Variants in RPTOR observed in about 807,000 individuals in gnomAD.
The protein encoded by RPTOR is regulatory associated protein of MTOR complex 1, also known as regulatory-associated protein of mTOR.
RPTOR carries 21 observed loss-of-function variants against 169.9 expected under a neutral mutation model. That is an observed-to-expected ratio of 0.12 (90% CI 0.09 to 0.18). The LOEUF is 0.18. RPTOR is among the 10% of genes least tolerant of loss of function. The pLI, the probability that RPTOR is intolerant of heterozygous loss-of-function variation, is 1.00. For missense variants in RPTOR, 1,133 were observed against 1,855.9 expected (o/e 0.61, Z 7.16); for synonymous variants, 732 against 753.2 (o/e 0.97, Z 0.46).
chr17:80,914,621 G>A (rs2068651098), intron 21 of RPTOR, among the ~76,000 whole-genome samples: 1 of 152,350 alleles, frequency 6.6e-6, no homozygotes, highest in South Asian at 2.1e-4. Context: ...GTACCCAGGT[G>A]CTGTTGCAAC....
At chr17:80,681,732 T>A (rs866511554) in intron 3 of RPTOR, among the ~76,000 whole-genome samples, 7 of 102,814 alleles carry the variant, frequency 6.8e-5, no homozygotes, top group African/African-American at 1.8e-4. Context: ...CTCTTACACC[T>A]TCATGAGGTG....
intron 10 of RPTOR, among the ~76,000 whole-genome samples, chr17:80,843,441 G>C (rs2067692468): frequency 6.6e-6 from 1 of 150,866 alleles, no homozygotes; most frequent in Admixed American, 6.6e-5. Flanking sequence ...TTTTTTTTTT[G>C]GTTTATTGAG....
At chr17:80,743,765 T>TGG (rs1567887241) in intron 5 of RPTOR, among the ~76,000 whole-genome samples, 2 of 77,810 alleles carry the variant, frequency 2.6e-5, no homozygotes, top group African/African-American at 1.2e-4. Flanking sequence ...CTACTAGCAC[T>TGG]CTCCTGGTTA....
intron 10 of RPTOR, among the ~76,000 whole-genome samples, chr17:80,840,331 G>A (rs1422362126): frequency 1.4e-4 from 19 of 132,938 alleles, no homozygotes; most frequent in South Asian, 1.3e-3. Flanking sequence ...CACTCTCACC[G>A]CACGGCAGCT....
chr17:80,880,696 C>T (rs12937510), intron 14 of RPTOR, among the ~76,000 whole-genome samples: 31,789 of 152,180 alleles, frequency 0.21, 3,702 homozygotes, highest in East Asian at 0.37. Flanking sequence ...TATTTCGTGT[C>T]TGTCTCTAAA....
intron 9 of RPTOR, among the ~76,000 whole-genome samples, chr17:80,830,364 A>C (rs1446715340): frequency 6.6e-6 from 1 of 152,158 alleles, no homozygotes; most frequent in Non-Finnish European, 1.5e-5. Flanking sequence ...CCAAAACATT[A>C]TGTCAAAAAA....
In RPTOR at chr17:80,845,995, A is replaced by G. The variant is rs1454617507; in HGVS notation, c.1213-478A>G. Among the ~76,000 whole-genome samples the G allele has an allele frequency of 6.6e-6, 1 of 152,024 alleles. No homozygotes were observed. The highest frequency in any genetic ancestry group is 1.5e-5 in the Non-Finnish European group (1 of 67,990). On this transcript the variant is annotated intron_variant, in intron 10 of 33. Coordinates refer to ENST00000306801, the MANE Select transcript of RPTOR (RefSeq NM_020761.3). This position sits in a 1 kb window ranked among gnomAD's most constrained non-coding sequence, Gnocchi z 5.4. ...GCCCCAGCTCATCTCCTTGGTCTCC[A>G]TAGCAGAGGCTCTGTCCTGGGCCCC...
rs1303280378 is a variant in RPTOR, at chr17:80,562,483, T to G, written c.162+16692T>G. Among the ~76,000 whole-genome samples the G allele has an allele frequency of 2.0e-5, 3 of 152,174 alleles. No homozygotes were observed. Among genetic ancestry groups the G allele is most frequent in the African/African-American group, 7.2e-5 (3 of 41,440 alleles). ...TCTTGGAGAGCTTTTTATTTTATCCTTAAAAGTAGATCAGACAAGGCCGGG... is the reference window on the plus strand; with the variant it reads ...TCTTGGAGAGCTTTTTATTTTATCCGTAAAAGTAGATCAGACAAGGCCGGG... On this transcript the variant is annotated intron_variant, in intron 1 of 33. Transcript: ENST00000306801. The surrounding 1 kb of genome is among the most constrained non-coding windows in gnomAD (Gnocchi z 4.4).
At position 80,884,991 on chromosome 17, in the gene RPTOR, C is replaced by T; in HGVS notation, c.1843-17C>T. The T allele has an allele frequency of 6.2e-7, 1 of 1,603,520 alleles. No individual in the cohort carries two copies. On this transcript the variant is annotated splice_polypyrimidine_tract_variant and intron_variant, in intron 16 of 33. Transcript: ENST00000306801. ...GCCCGGTGTGGGACATGCCTGTGAC[C>T]CCCCGCCGCCTTGCAGGTCCGCTGC... is the stretch of plus-strand genomic sequence containing the variant.
intron 5 of RPTOR, among the ~76,000 whole-genome samples, chr17:80,748,257 G>A (rs1598278334): frequency 2.0e-5 from 1 of 49,624 alleles, no homozygotes; most frequent in African/African-American, 1.3e-4. Flanking sequence ...TGTGTTTGGA[G>A]GCCGTGGCGG....
rs903045805 is a variant in RPTOR at position 80,545,021 on chromosome 17, G to A, written c.-609G>A. The stretch of plus-strand genomic sequence containing the variant: ...AGAGAGCCTCGGGGCTGAAGGCCAG[G>A]ACCAGCCAGGCCGCGCGGACCTGAG... On this transcript the variant is annotated 5_prime_UTR_variant, in exon 1 of 34. Coordinates refer to ENST00000306801, the MANE Select transcript of RPTOR (RefSeq NM_020761.3). 2 of 233,004 alleles carry A rather than the reference G, an allele frequency of 8.6e-6. No homozygotes were observed. The highest frequency in any genetic ancestry group is 4.4e-5 in the African/African-American group (2 of 45,304). 14.4% of individuals were successfully genotyped at this position (233,004 alleles called of 1,614,324 possible).
Position 80,651,358 on chromosome 17 carries a change from A to C in RPTOR, c.348+7548A>C, listed in dbSNP as rs1268080319. ...GAAAGTGCTGATCAAGGGGGAAACG[A>C]TCAATAACAGATTGGAGGGGGACGG... On this transcript the variant is annotated intron_variant, in intron 3 of 33. Transcript: ENST00000306801. The surrounding 1 kb of genome is among the most constrained non-coding windows in gnomAD (Gnocchi z 4.1). 6.6e-6 allele frequency among the ~76,000 whole-genome samples: 1 copy of C among 152,188 alleles called. No homozygotes were observed. The highest frequency in any genetic ancestry group is 1.9e-4 in the East Asian group (1 of 5,194).
At chr17:80,589,407 C>T (rs912848259) in intron 1 of RPTOR, among the ~76,000 whole-genome samples, 5 of 152,140 alleles carry the variant, frequency 3.3e-5, no homozygotes, top group Non-Finnish European at 7.4e-5. Flanking sequence ...CATTTGGATC[C>T]TCCAGAGTTT....
chr17:80,965,507 A>C lies in RPTOR; in HGVS notation c.*1177A>C, dbSNP rs1305055544. On this transcript the variant is annotated 3_prime_UTR_variant, in exon 34 of 34. Coordinates refer to ENST00000306801, the MANE Select transcript of RPTOR (RefSeq NM_020761.3). ...TGAGCAGTTTTGCAAACAGAACACA[A>C]CCACAATGATGGTATTTTGAAAAGT... 4.3e-6 allele frequency: 1 copy of C among 233,260 alleles called. No individual in the cohort carries two copies. The highest frequency in any genetic ancestry group is 8.5e-6 in the Non-Finnish European group (1 of 118,086). The allele number at this position is 233,260 out of a possible 1,614,324, so 14.4% of individuals were successfully genotyped here.
intron 3 of RPTOR, among the ~76,000 whole-genome samples, chr17:80,652,693 A>G (rs1319907269): frequency 6.6e-6 from 1 of 152,060 alleles, no homozygotes; most frequent in Non-Finnish European, 1.5e-5. Flanking sequence ...CCTTTTAGCT[A>G]TTTGAATAAT....
intron 7 of RPTOR, among the ~76,000 whole-genome samples, chr17:80,808,768 A>G (rs938849349): frequency 6.6e-6 from 1 of 152,210 alleles, no homozygotes; most frequent in African/African-American, 2.4e-5. Context: ...TGTAAACAGA[A>G]TGATAAAGTA....
Position 80,754,022 on chromosome 17 carries a change from A to G in RPTOR, c.667A>G (p.Asn223Asp). Residue 223 changes from asparagine (N) to aspartate (D), a missense_variant, in exon 6 of 34, where the codon AAC becomes GAC. Physicochemically the swap from Asn to Asp is conservative, Grantham distance 23. Transcript: ENST00000306801. The surrounding 1 kb of genome is among the most constrained non-coding windows in gnomAD (Gnocchi z 4.2). ...REQELEVAAINPNHPLAQMPL... is the reference protein window; with the variant it reads ...REQELEVAAIDPNHPLAQMPL... ...TTCTGCCCTTCAGGTAGCTGCAATC[A>G]ACCCAAATCACCCTCTTGCTCAGAT... is the stretch of plus-strand genomic sequence containing the variant. 2 of 1,613,000 alleles carry G rather than the reference A, an allele frequency of 1.2e-6. No homozygotes were observed. Among genetic ancestry groups the G allele is most frequent in the Non-Finnish European group, 1.7e-6 (2 of 1,179,074 alleles).
chr17:80,912,309 G>T (rs2068622705), intron 21 of RPTOR, among the ~76,000 whole-genome samples: 1 of 152,154 alleles, frequency 6.6e-6, no homozygotes, highest in Non-Finnish European at 1.5e-5. Context: ...GCTCTGTCCT[G>T]ACTGCACAGT....
rs2068173346 is a variant in RPTOR, at chr17:80,880,403, C to G, written c.1510-12C>G. 1.9e-6 allele frequency: 3 copies of G among 1,613,648 alleles called. No individual in the cohort carries two copies. The East Asian group carries it at 6.7e-5, about 36-fold the overall frequency. ...TGCACTCACTGCCTCTCCTCTGTCT[C>G]TTTCTGTCCAGTCGTGCCAAGCGGA... On this transcript the variant is annotated splice_polypyrimidine_tract_variant and intron_variant, in intron 13 of 33. Transcript: ENST00000306801.
Sources: allele counts gnomAD v4.1 joint callset (sites outside exome capture counted in the v4.1 genomes callset), GRCh38; gene constraint gnomAD v4.1.1; non-coding constraint Gnocchi (gnomAD v3.1); transcripts MANE v1.5; gene names NCBI Gene and HGNC (gene_info 2026-07-23, HGNC 2026-07-21).